DSCAM: variants seen among roughly 807,000 people sequenced by gnomAD.
DSCAM encodes the protein cell adhesion molecule DSCAM.
In DSCAM, 47 loss-of-function variants were observed where a neutral mutation model predicts 217.7. That is an observed-to-expected ratio of 0.22 (90% CI 0.17 to 0.28). The LOEUF (loss-of-function observed/expected upper bound fraction) is 0.28, where lower values mean the gene tolerates loss of function less well. Among genes scored for constraint, DSCAM ranks in the 10% least tolerant of loss-of-function variants. The pLI, the probability that DSCAM is intolerant of heterozygous loss-of-function variation, is 1.00. For synonymous variants in DSCAM, 1,056 were observed against 1,015.3 expected, an observed-to-expected ratio of 1.04 and a Z score of -0.76; for missense variants, 2,080 against 2,618.3, an observed-to-expected ratio of 0.79 and a Z score of 4.49.
At chr21:40,291,497 C>A (rs553741622) in intron 10 of DSCAM, among the ~76,000 whole-genome samples, 41 of 152,300 alleles carry the variant, frequency 2.7e-4, no homozygotes, top group African/African-American at 9.4e-4. Context: ...GTGCAGGAGT[C>A]TCCTCTCCCA....
chr21:40,422,559 T>C (rs1372824264), intron 3 of DSCAM, among the ~76,000 whole-genome samples: 1 of 152,046 alleles, frequency 6.6e-6, no homozygotes, highest in Admixed American at 6.5e-5. Context: ...GGAGAATTGC[T>C]TGAATTCAGG....
At chr21:40,677,036 T>C (rs1169446710) in intron 3 of DSCAM, among the ~76,000 whole-genome samples, 1 of 152,146 alleles carries the variant, frequency 6.6e-6, no homozygotes, top group Admixed American at 6.5e-5. Context: ...TGCTGAGAAC[T>C]AAAAATTTCA....
intron 11 of DSCAM, among the ~76,000 whole-genome samples, chr21:40,234,008 T>A (rs2091404498): frequency 6.6e-6 from 1 of 152,240 alleles, no homozygotes; most frequent in Admixed American, 6.5e-5. Flanking sequence ...CCCAGGCTAA[T>A]GATGCCTGCA....
At chr21:40,227,754 C>A (rs544481698) in intron 11 of DSCAM, among the ~76,000 whole-genome samples, 1 of 152,316 alleles carries the variant, frequency 6.6e-6, no homozygotes, top group Non-Finnish European at 1.5e-5. Flanking sequence ...TCCCCATATA[C>A]TTCACATCTC....
chr21:40,212,168 C>T (rs1290125744), intron 11 of DSCAM, among the ~76,000 whole-genome samples: 2 of 151,956 alleles, frequency 1.3e-5, no homozygotes, highest in African/African-American at 4.8e-5. Flanking sequence ...CAGGGTTTCT[C>T]TGTGTTGGCC....
chr21:40,536,434 CTG>C (rs1302576616), intron 3 of DSCAM, among the ~76,000 whole-genome samples: 1 of 145,928 alleles, frequency 6.9e-6, no homozygotes, highest in Non-Finnish European at 1.5e-5. Flanking sequence ...CGGAGTCTCG[CTG>C]TGTCCCCCAG....
At chr21:40,766,599 A>G (rs2091392273) in intron 1 of DSCAM, among the ~76,000 whole-genome samples, 2 of 144,592 alleles carry the variant, frequency 1.4e-5, no homozygotes, top group African/African-American at 5.2e-5. Context: ...GCCTCACCCA[A>G]CTGACAGCTT....
At chr21:40,778,080 G>T (rs896973403) in intron 1 of DSCAM, among the ~76,000 whole-genome samples, 2 of 151,998 alleles carry the variant, frequency 1.3e-5, no homozygotes, top group Admixed American at 6.6e-5. Flanking sequence ...AACAAGGATG[G>T]GTAAAGATAA....
At chr21:40,571,955 A>G (rs973134459) in intron 3 of DSCAM, among the ~76,000 whole-genome samples, 13 of 152,340 alleles carry the variant, frequency 8.5e-5, no homozygotes, top group African/African-American at 3.1e-4. Flanking sequence ...AGAATTGCAC[A>G]TTTCATTAGG....
At chr21:40,173,981 T>G (rs1830709424) in intron 15 of DSCAM, among the ~76,000 whole-genome samples, 1 of 152,200 alleles carries the variant, frequency 6.6e-6, no homozygotes, top group South Asian at 2.1e-4. Flanking sequence ...CACAAGGCAC[T>G]AAGTGACTCA....
At chr21:40,040,244 T>G (rs2088720316) in intron 32 of DSCAM, among the ~76,000 whole-genome samples, 1 of 152,242 alleles carries the variant, frequency 6.6e-6, no homozygotes. Context: ...AAAATCATTT[T>G]ACTCTGAATA....
intron 3 of DSCAM, among the ~76,000 whole-genome samples, chr21:40,583,529 T>C (rs1470907356): frequency 6.6e-6 from 1 of 151,896 alleles, no homozygotes; most frequent in Non-Finnish European, 1.5e-5. Context: ...TCACCTCAAC[T>C]TTAAGGGACC....
intron 3 of DSCAM, among the ~76,000 whole-genome samples, chr21:40,373,409 A>G (rs2074919090): frequency 6.6e-6 from 1 of 152,134 alleles, no homozygotes; most frequent in Non-Finnish European, 1.5e-5. Flanking sequence ...ATCTCTAGGG[A>G]GCTTATAATC....
intron 11 of DSCAM, among the ~76,000 whole-genome samples, chr21:40,197,912 A>G (rs1259849312): frequency 2.0e-5 from 3 of 152,202 alleles, no homozygotes; most frequent in African/African-American, 7.2e-5. Flanking sequence ...CCAAGTGCAA[A>G]GCCTCTTTCC....
At chr21:40,055,194 G>C in intron 29 of DSCAM, among the ~76,000 whole-genome samples, 1 of 152,300 alleles carries the variant, frequency 6.6e-6, no homozygotes, top group South Asian at 2.1e-4. Context: ...CCAAAGTGCT[G>C]CTGGGGAAAC....
At chr21:40,422,220 C>G (rs1334584647) in intron 3 of DSCAM, among the ~76,000 whole-genome samples, 2 of 152,216 alleles carry the variant, frequency 1.3e-5, no homozygotes, top group Non-Finnish European at 2.9e-5. Flanking sequence ...AACTGACATT[C>G]AAAATGTAAT....
intron 11 of DSCAM, among the ~76,000 whole-genome samples, chr21:40,194,640 C>T (rs2090988146): frequency 6.6e-6 from 1 of 152,174 alleles, no homozygotes; most frequent in African/African-American, 2.4e-5. Flanking sequence ...GCTTCATAAA[C>T]TATAATATTA....
chr21:40,832,810 G>A (rs999280937), intron 1 of DSCAM, among the ~76,000 whole-genome samples: 1 of 152,128 alleles, frequency 6.6e-6, no homozygotes, highest in African/African-American at 2.4e-5. Flanking sequence ...CAGCCTTAGA[G>A]AAGAAGCCCA....
At chr21:40,685,184 T>C (rs891529857) in intron 3 of DSCAM, among the ~76,000 whole-genome samples, 1 of 152,210 alleles carries the variant, frequency 6.6e-6, no homozygotes, top group Admixed American at 6.5e-5. Flanking sequence ...GTTGAATGTA[T>C]GAAAATGAAG....
Sources: gnomAD v4.1 joint callset for allele counts (sites outside exome capture counted in the v4.1 genomes callset) on GRCh38, gnomAD v4.1.1 for gene constraint, MANE v1.5 for transcripts, NCBI Gene and HGNC (gene_info 2026-07-23, HGNC 2026-07-21) for gene names.